HUWE1: variants seen among roughly 807,000 people sequenced by gnomAD.
HUWE1 encodes the protein HECT, UBA and WWE domain containing E3 ubiquitin protein ligase 1.
HUWE1 carries 18 observed loss-of-function variants against 299.4 expected under a neutral mutation model. The observed-to-expected ratio is 0.06, with a 90% confidence interval of 0.04 to 0.09. The LOEUF (loss-of-function observed/expected upper bound fraction) is 0.09, where lower values mean the gene tolerates loss of function less well. HUWE1 is among the 10% of genes least tolerant of loss of function. HUWE1 has a pLI of 1.00. For synonymous variants in HUWE1, 1,317 were observed against 1,286.1 expected (o/e 1.02, Z -0.51); for missense variants, 1,832 against 3,462.3 (o/e 0.53, Z 11.82).
Position 53,557,436 on chromosome X carries a change from A to G in HUWE1, c.8161-9T>C. 8.3e-7 allele frequency: 1 copy of G among 1,200,037 alleles called. No homozygotes were observed. The highest frequency in any genetic ancestry group is 1.1e-6 in the Non-Finnish European group (1 of 884,928). On this transcript the variant is annotated splice_polypyrimidine_tract_variant and intron_variant, in intron 59 of 83. Transcript: ENST00000262854. ...GACTTAGATGCAGTACACTGCAAAAAGAAGGGATAGACCAATGTGGGACTT... is the reference window on the plus strand; with the variant it reads ...GACTTAGATGCAGTACACTGCAAAAGGAAGGGATAGACCAATGTGGGACTT...
chrX:53,594,147 C>T (rs1170100926), intron 31 of HUWE1, among the ~76,000 whole-genome samples: 9 of 111,412 alleles, frequency 8.1e-5, no homozygotes, highest in African/African-American at 2.6e-4. Context: ...AAAACCTAAA[C>T]CAGTGAAACT....
intron 78 of HUWE1, 39 bp downstream of exon 78, chrX:53,537,517 C>T: frequency 5.0e-6 from 6 of 1,202,706 alleles, no homozygotes; most frequent in Non-Finnish European, 6.7e-6. Context: ...GAGGCCCCAC[C>T]TCCCACCCGC....
chrX:53,549,133 T>C lies in HUWE1; in HGVS notation c.9861A>G (p.Ser3287=). 2 of 1,212,295 alleles carry C rather than the reference T, an allele frequency of 1.6e-6. No individual in the cohort carries two copies. The highest frequency in any genetic ancestry group is 2.2e-6 in the Non-Finnish European group (2 of 895,559). ...SKSSNQLSWL[S]VSMDAALGCR... ...AGCCTAGGGCTGCATCCATGGATAC[T>C]GAGAGCCAGGAAAGCTGGTTGGAGC... The change falls in exon 67 of 84, where the codon TCA becomes TCG. Residue 3287 remains serine (S), a synonymous_variant. Coordinates refer to ENST00000262854, the MANE Select transcript of HUWE1 (RefSeq NM_031407.7).
chrX:53,548,669 C>T (rs1556925482), intron 67 of HUWE1, among the ~76,000 whole-genome samples: 1 of 112,628 alleles, frequency 8.9e-6, no homozygotes, highest in African/African-American at 3.2e-5. Flanking sequence ...CCATCACTTT[C>T]TAATCATAAG....
At chrX:53,565,478 T>G (rs781944323) in intron 49 of HUWE1, among the ~76,000 whole-genome samples, 1 of 111,219 alleles carries the variant, frequency 9.0e-6, no homozygotes, top group African/African-American at 3.3e-5. Flanking sequence ...GGAAAGCACA[T>G]GAGTAACAAA....
chrX:53,678,084 T>A (rs781998530), intron 3 of HUWE1, among the ~76,000 whole-genome samples: 1 of 112,339 alleles, frequency 8.9e-6, no homozygotes, highest in South Asian at 3.6e-4. Context: ...AATGGTACAT[T>A]CATAATAAAT....
chrX:53,535,470 T>A lies in HUWE1; in HGVS notation c.12563A>T (p.Asp4188Val). 1 of 1,204,808 alleles carries A rather than the reference T, an allele frequency of 8.3e-7. No individual in the cohort carries two copies. The highest frequency in any genetic ancestry group is 2.2e-5 in the Admixed American group (1 of 45,957). ...GATGTTGGCCCCATTGGGTTTGAGG[T>A]CACGAACTTCACAAACTCCAAACTC... Reference protein sequence around the residue: ...VQEFGVCEVRDLKPNGANILV... With the variant: ...VQEFGVCEVRVLKPNGANILV... Residue 4188 changes from aspartate to valine, a missense_variant, in exon 81 of 84, where the codon GAC becomes GTC. Physicochemically the swap from Asp to Val is radical, Grantham distance 152. Around this residue, in one of 15 missense-constraint regions of HUWE1, gnomAD observed 129 missense variants for 439.4 expected, o/e 0.29. Coordinates refer to ENST00000262854, the MANE Select transcript of HUWE1 (RefSeq NM_031407.7).
intron 83 of HUWE1, 39 bp downstream of exon 83, chrX:53,533,968 C>G: frequency 8.6e-7 from 1 of 1,164,013 alleles, no homozygotes; most frequent in Non-Finnish European, 1.2e-6. Flanking sequence ...GCAAGCTCAA[C>G]CTAAGCACTG....
At chrX:53,640,498 TA>T (rs1364636541) in intron 7 of HUWE1, among the ~76,000 whole-genome samples, 3 of 112,218 alleles carry the variant, frequency 2.7e-5, no homozygotes, top group Non-Finnish European at 5.6e-5. Context: ...ACTAAATACC[TA>T]ATTATCTCTA....
At chrX:53,654,172 T>G in intron 3 of HUWE1, 41 bp from the exon 4 acceptor site, 1 of 821,875 alleles carries the variant, frequency 1.2e-6, no homozygotes. Flanking sequence ...AACTTAAAGC[T>G]ACAATCTTGA....
chrX:53,541,615 G>A (rs782163769), intron 74 of HUWE1, among the ~76,000 whole-genome samples: 13 of 111,178 alleles, frequency 1.2e-4, no homozygotes, highest in African/African-American at 3.6e-4. Context: ...AAGAAAGAAA[G>A]AAGACATGGG....
chrX:53,602,938 AC>A (rs2064955912), intron 27 of HUWE1, among the ~76,000 whole-genome samples: 1 of 97,961 alleles, frequency 1.0e-5, no homozygotes, highest in Non-Finnish European at 2.0e-5. Flanking sequence ...TGCAACCTCC[AC>A]CTCCGGGGTT....
At chrX:53,584,052 A>G in intron 41 of HUWE1, 134 bp downstream of exon 41, 1 of 806,351 alleles carries the variant, frequency 1.2e-6, no homozygotes, top group Non-Finnish European at 1.9e-6. Flanking sequence ...TTAAGATCAG[A>G]TGAAAAAGCA....
chrX:53,670,067 T>C (rs1463692268), intron 3 of HUWE1, among the ~76,000 whole-genome samples: 1 of 111,991 alleles, frequency 8.9e-6, no homozygotes, highest in Non-Finnish European at 1.9e-5. Flanking sequence ...ATTTATAGCA[T>C]CCATAAATGC....
chrX:53,590,818 A>G (rs1490351340), intron 34 of HUWE1, among the ~76,000 whole-genome samples, 182 bp downstream of exon 34: 2 of 112,421 alleles, frequency 1.8e-5, no homozygotes, highest in African/African-American at 6.5e-5. Flanking sequence ...AAAGTATAGT[A>G]ATTTGTATTG....
Position 53,536,600 on chromosome X carries a change from T to C in HUWE1, c.12205A>G (p.Ile4069Val). Residue 4069 changes from isoleucine to valine, a missense_variant, in exon 79 of 84, where the codon ATC becomes GTC. By Grantham distance (29) the Ile-to-Val change is conservative. Coordinates refer to ENST00000262854, the MANE Select transcript of HUWE1 (RefSeq NM_031407.7). Reference sequence around the variant, plus strand: ...ATAGGGTTAAACATCTCTCGAGAGATGATCATATACCACTCCCGCAGGAGC... The same window carrying C: ...ATAGGGTTAAACATCTCTCGAGAGACGATCATATACCACTCCCGCAGGAGC... Reference protein sequence around the residue: ...GGLLREWYMIISREMFNPMYA... With the variant: ...GGLLREWYMIVSREMFNPMYA... 1 of 1,208,729 alleles carries C rather than the reference T, an allele frequency of 8.3e-7. No homozygotes were observed. Among genetic ancestry groups the C allele is most frequent in the Non-Finnish European group, 1.1e-6 (1 of 892,686 alleles).
intron 6 of HUWE1, among the ~76,000 whole-genome samples, chrX:53,645,920 A>G (rs1557035650): frequency 9.2e-6 from 1 of 108,355 alleles, no homozygotes; most frequent in African/African-American, 3.4e-5. Flanking sequence ...AGAGACAAAT[A>G]CACATGTGGG....
chrX:53,593,743 T>C (rs1406247110), intron 31 of HUWE1, 142 bp from the exon 32 acceptor site: 5 of 475,976 alleles, frequency 1.1e-5, no homozygotes, highest in Non-Finnish European at 1.8e-5. Context: ...TGTCCAACAG[T>C]TTTCAGCTAT....
intron 5 of HUWE1, 22 bp from the exon 6 acceptor site, chrX:53,647,596 G>C: frequency 8.0e-6 from 9 of 1,122,760 alleles, no homozygotes; most frequent in Non-Finnish European, 1.1e-5. Context: ...AGGAAAAAGA[G>C]GATGTAAGAA....
Sources: allele counts gnomAD v4.1 joint callset (sites outside exome capture counted in the v4.1 genomes callset), GRCh38; gene constraint gnomAD v4.1.1; regional missense constraint gnomAD v4.1.1; transcripts MANE v1.5; gene names NCBI Gene and HGNC (gene_info 2026-07-23, HGNC 2026-07-21).